The following AXIN1 variants were observed in gnomAD, a reference collection of about 807,000 sequenced individuals.
The protein encoded by AXIN1 is axin 1, also known as axin-1.
AXIN1 carries 30 observed loss-of-function variants against 76.4 expected under a neutral mutation model. That is an observed-to-expected ratio of 0.39 (90% confidence interval 0.29 to 0.53). The LOEUF (loss-of-function observed/expected upper bound fraction) is 0.53. AXIN1 is among the 20% of genes least tolerant of loss of function. The pLI is 0.66. For missense variants in AXIN1, 1,140 were observed against 1,198.8 expected, an observed-to-expected ratio of 0.95 and a Z score of 0.72; for synonymous variants, 545 against 501.4, an observed-to-expected ratio of 1.09 and a Z score of -1.16.
chr16:297,148 A>C lies in AXIN1; in HGVS notation c.1863T>G (p.Gly621=), dbSNP rs763656238. ...GGTTCTTCTCCGCATCCTCCGAGGCACCTGGCACCTCGGTGCTGGCGCTCT... is the reference window on the plus strand; with the variant it reads ...GGTTCTTCTCCGCATCCTCCGAGGCCCCTGGCACCTCGGTGCTGGCGCTCT... The part of the protein sequence containing the change: ...SGKSASTEVP[G]ASEDAEKNQK... Residue 621 remains glycine, a synonymous_variant, in exon 7 of 11, where the codon GGT becomes GGG. Transcript: ENST00000262320. The C allele has an allele frequency of 5.0e-6, 8 of 1,612,448 alleles. No homozygotes were observed. The highest frequency in any genetic ancestry group is 6.8e-6 in the Non-Finnish European group (8 of 1,179,928).
rs2052548610 is a variant in AXIN1, at chr16:291,194, T to C, written c.2290A>G (p.Thr764Ala). 1 of 1,582,276 alleles carries C rather than the reference T, an allele frequency of 6.3e-7. No homozygotes were observed. ...PAVSDMELSE[T>A]ETRSQRKVGG... ...GGACCCTCAGGACGCACGTACTCTG[T>C]CTCGGAGAGCTCCATGTCCGACACG... Residue 764 changes from threonine to alanine, a missense_variant, in exon 9 of 11, where the codon ACA becomes GCA. Transcript: ENST00000262320.
chr16:289,138 G>A (rs1470262588), intron 10 of AXIN1, among the ~76,000 whole-genome samples: 2 of 151,936 alleles, frequency 1.3e-5, no homozygotes. Flanking sequence ...ACCCAGGCTG[G>A]AGAGCAGTGG....
At chr16:322,972 GC>G (rs2053491494) in intron 2 of AXIN1, among the ~76,000 whole-genome samples, 1 of 152,206 alleles carries the variant, frequency 6.6e-6, no homozygotes, top group African/African-American at 2.4e-5. Flanking sequence ...CCTGGCAGAG[GC>G]CATGGATGCC....
Position 288,226 on chromosome 16 carries a change from C to A in AXIN1, c.2485G>T (p.Asp829Tyr), listed in dbSNP as rs547434148. Residue 829 changes from aspartate to tyrosine, a missense_variant, in exon 11 of 11, where the codon GAC (aspartate) becomes TAC (tyrosine). Asp to Tyr is a radical substitution (Grantham distance 160, BLOSUM62 -3). Transcript: ENST00000262320. Reference sequence around the variant, plus strand: ...AACACCACCCCACAGTCAAACTCGTCGCTCACTTTCTTGAAGTAGTATCTG... The same window carrying A: ...AACACCACCCCACAGTCAAACTCGTAGCTCACTTTCTTGAAGTAGTATCTG... ...SYRYYFKKVS[D>Y]EFDCGVVFEE... 8.1e-6 allele frequency: 13 copies of A among 1,613,568 alleles called. No individual in the cohort carries two copies. The highest frequency in any genetic ancestry group is 6.7e-5 in the Admixed American group (4 of 60,010).
intron 4 of AXIN1, among the ~76,000 whole-genome samples, chr16:306,929 A>G (rs1357451295): frequency 6.6e-6 from 1 of 152,228 alleles, no homozygotes; most frequent in Non-Finnish European, 1.5e-5. Flanking sequence ...CAGGGCGTCC[A>G]CACAGATGGC....
Position 297,931 on chromosome 16 carries a change from G to T in AXIN1, c.1575C>A (p.Asp525Glu), listed in dbSNP as rs1805102. 6.2e-7 allele frequency: 1 copy of T among 1,600,538 alleles called. No individual in the cohort carries two copies. Residue 525 changes from aspartate to glutamate, a missense_variant, in exon 6 of 11, where the codon GAC (aspartate) becomes GAA (glutamate). This residue lies in a region of AXIN1 where 708 missense variants were observed against 776.9 expected (regional missense o/e 0.91). Transcript: ENST00000262320. The part of the protein sequence containing the change: ...KHVPKSGAKL[D>E]AAGLHHHRHV... ...GTCGGTGGTGGTGCAGGCCGGCCGC[G>T]TCCAGCTTCGCCCCTGACTTGGGTA...
chr16:341,693 G>A (rs562180104), intron 2 of AXIN1, among the ~76,000 whole-genome samples: 44 of 152,370 alleles, frequency 2.9e-4, no homozygotes, highest in African/African-American at 9.9e-4. Flanking sequence ...ACTGGGTGAA[G>A]CCAGCTGGGC....
chr16:298,220 G>A lies in AXIN1; in HGVS notation c.1286C>T (p.Ser429Leu), dbSNP rs1286418635. The A allele has an allele frequency of 6.5e-7, 1 of 1,540,696 alleles. No homozygotes were observed. Among genetic ancestry groups the A allele is most frequent in the Non-Finnish European group, 8.7e-7 (1 of 1,147,192 alleles). ...EEEGEDGDPS[S>L]GPPGPCHKLP... ...CTTGTGACACGGCCCTGGGGGCCCT[G>A]ACGATGGATCGCCGTCCTCACCTTC... Residue 429 changes from serine (S) to leucine (L), a missense_variant, in exon 6 of 11, where the codon TCA becomes TTA. By Grantham distance (145) the Ser-to-Leu change is moderately radical (BLOSUM62 -2). Transcript: ENST00000262320.
chr16:339,196 C>CAAAAAAAAAA (rs1002630324), intron 2 of AXIN1, among the ~76,000 whole-genome samples: 20 of 34,672 alleles, frequency 5.8e-4, no homozygotes, highest in Non-Finnish European at 9.1e-4. Context: ...AGCCTGGTCT[C>CAAAAAAAAAA]AAAAAAAAAA....
chr16:299,405 T>C (rs2052806598), intron 5 of AXIN1, among the ~76,000 whole-genome samples: 3 of 152,242 alleles, frequency 2.0e-5, no homozygotes, highest in Admixed American at 2.0e-4. Flanking sequence ...CAGGCTGGAG[T>C]GCAGTGGCAC....
chr16:302,657 G>A (rs887485848), intron 5 of AXIN1, among the ~76,000 whole-genome samples: 1 of 152,208 alleles, frequency 6.6e-6, no homozygotes, highest in Non-Finnish European at 1.5e-5. Context: ...CAGCTCACCC[G>A]GGTAGCGGGT....
At chr16:318,719 T>C (rs530106011) in intron 2 of AXIN1, among the ~76,000 whole-genome samples, 88 of 152,306 alleles carry the variant, frequency 5.8e-4, no homozygotes, top group African/African-American at 1.9e-3. Flanking sequence ...CACGTATCCA[T>C]CTGTGTGCGC....
chr16:311,671 T>G (rs1305421693), intron 3 of AXIN1, among the ~76,000 whole-genome samples: 1 of 152,056 alleles, frequency 6.6e-6, no homozygotes, highest in Admixed American at 6.6e-5. Flanking sequence ...CTCGGGAGGC[T>G]GAGGCAGGAG....
At chr16:299,410 T>C (rs939930995) in intron 5 of AXIN1, among the ~76,000 whole-genome samples, 1 of 152,230 alleles carries the variant, frequency 6.6e-6, no homozygotes, top group Non-Finnish European at 1.5e-5. Context: ...TGGAGTGCAG[T>C]GGCACGATCT....
chr16:288,537 C>T (rs541781664), intron 10 of AXIN1, among the ~76,000 whole-genome samples: 33 of 152,292 alleles, frequency 2.2e-4, no homozygotes, highest in African/African-American at 2.9e-4. Flanking sequence ...GGGAAGTGGA[C>T]GGGTGTGGGG....
At chr16:322,263 C>T (rs1224813217) in intron 2 of AXIN1, among the ~76,000 whole-genome samples, 1 of 152,192 alleles carries the variant, frequency 6.6e-6, no homozygotes, top group African/African-American at 2.4e-5. Flanking sequence ...CGAGGGGCAG[C>T]TGGGGAACAT....
chr16:341,449 G>A (rs1436899278), intron 2 of AXIN1, among the ~76,000 whole-genome samples: 13 of 152,238 alleles, frequency 8.5e-5, no homozygotes, highest in African/African-American at 1.7e-4. Context: ...CGGCAGTGCC[G>A]GCCCACCGGA....
chr16:294,988 C>T (rs949655074), intron 7 of AXIN1, among the ~76,000 whole-genome samples: 6 of 143,950 alleles, frequency 4.2e-5, no homozygotes, highest in South Asian at 4.5e-4. Flanking sequence ...GGCATGAACC[C>T]GGGAGGCGAG....
At chr16:311,935 T>C (rs1033317291) in intron 3 of AXIN1, among the ~76,000 whole-genome samples, 7 of 152,152 alleles carry the variant, frequency 4.6e-5, no homozygotes, top group Non-Finnish European at 8.8e-5. Context: ...TCCTGAGGCA[T>C]CCTCGGCTGT....
Sources: allele counts gnomAD v4.1 joint callset (sites outside exome capture counted in the v4.1 genomes callset), GRCh38; gene constraint gnomAD v4.1.1; regional missense constraint gnomAD v4.1.1; transcripts MANE v1.5; gene names NCBI Gene and HGNC (gene_info 2026-07-23, HGNC 2026-07-21).